Variants in COL11A1 observed in about 807,000 individuals in gnomAD.
COL11A1 encodes collagen alpha-1(XI) chain.
Under a neutral mutation model 265.2 loss-of-function variants are expected in COL11A1, and 74 were observed. That is an observed-to-expected ratio of 0.28 (90% CI 0.23 to 0.34). COL11A1 has a LOEUF of 0.34. COL11A1 is among the 10% of genes least tolerant of loss of function. The pLI, the probability that COL11A1 is intolerant of heterozygous loss-of-function variation, is 1.00. For missense variants in COL11A1, 2,165 were observed against 2,263.6 expected, an observed-to-expected ratio of 0.96 and a Z score of 0.88; for synonymous variants, 816 against 727.6, an observed-to-expected ratio of 1.12 and a Z score of -1.96.
rs1212773301 is a variant in COL11A1 at position 103,014,579 on chromosome 1, C to A, written c.1504G>T (p.Asp502Tyr). Residue 502 changes from aspartate to tyrosine, a missense_variant, in exon 13 of 67, where the codon GAT (aspartate) becomes TAT (tyrosine). Asp to Tyr is a radical substitution (Grantham distance 160, BLOSUM62 -3). Transcript: ENST00000370096. ...GAGATGGTTGGTCCTTTGGAACCATCACCACCATAACGGAACTTGGAAGAG... is the reference window on the plus strand; with the variant it reads ...GAGATGGTTGGTCCTTTGGAACCATAACCACCATAACGGAACTTGGAAGAG... The part of the protein sequence containing the change: ...MLMLPFRYGG[D>Y]GSKGPTISAQ... 35 of 1,613,482 alleles carry A rather than the reference C, an allele frequency of 2.2e-5. No individual in the cohort carries two copies. In the Admixed American group the frequency reaches 5.8e-4, roughly 27 times the overall value.
intron 57 of COL11A1, 112 bp from the exon 58 acceptor site, chr1:102,890,616 T>G: frequency 2.8e-6 from 2 of 717,476 alleles, no homozygotes; most frequent in Non-Finnish European, 4.6e-6. Context: ...GAGTTGAAAA[T>G]AGTAATGATT....
At chr1:103,071,467 C>CTTTTTTT (rs869263393) in intron 4 of COL11A1, among the ~76,000 whole-genome samples, 1 of 49,892 alleles carries the variant, frequency 2.0e-5, no homozygotes, top group African/African-American at 7.9e-5. Flanking sequence ...GTTGGTAGGA[C>CTTTTTTT]TTTTTTTTTT....
At chr1:102,894,336 G>T (rs1376946045) in intron 57 of COL11A1, among the ~76,000 whole-genome samples, 2 of 152,020 alleles carry the variant, frequency 1.3e-5, no homozygotes, top group Non-Finnish European at 2.9e-5. Context: ...GAGTCCAAGA[G>T]CAGCCTGGGC....
At chr1:103,038,327 T>G (rs1435447267) in intron 4 of COL11A1, among the ~76,000 whole-genome samples, 1 of 151,990 alleles carries the variant, frequency 6.6e-6, no homozygotes, top group Non-Finnish European at 1.5e-5. Flanking sequence ...TAGCTGGGCA[T>G]GGTGGCGCAT....
At chr1:102,901,172 T>A (rs1378144036) in intron 54 of COL11A1, among the ~76,000 whole-genome samples, 1 of 151,812 alleles carries the variant, frequency 6.6e-6, no homozygotes, top group Admixed American at 6.6e-5. Context: ...TACAAAAAAT[T>A]AGCTGGGCGT....
intron 57 of COL11A1, 111 bp downstream of exon 57, chr1:102,898,013 AT>A: frequency 1.9e-6 from 1 of 527,754 alleles, no homozygotes; most frequent in East Asian, 4.3e-5. Context: ...TTCTTGGACT[AT>A]TAGAAAAAAT....
intron 57 of COL11A1, among the ~76,000 whole-genome samples, chr1:102,894,441 G>A (rs895604781): frequency 2.6e-5 from 4 of 152,100 alleles, no homozygotes; most frequent in African/African-American, 9.7e-5. Flanking sequence ...GGCTGAGGCG[G>A]GAGGATCACC....
chr1:102,896,801 A>T (rs1244326749), intron 57 of COL11A1, among the ~76,000 whole-genome samples: 2 of 152,142 alleles, frequency 1.3e-5, no homozygotes, highest in Non-Finnish European at 2.9e-5. Context: ...AAAGGTCAAA[A>T]TATTTACCGG....
At chr1:103,077,274 C>A (rs773841541) in intron 3 of COL11A1, among the ~76,000 whole-genome samples, 3 of 150,842 alleles carry the variant, frequency 2.0e-5, no homozygotes, top group African/African-American at 7.3e-5. Context: ...GTAAACACTA[C>A]CTGCTAGTTT....
chr1:102,920,544 C>G lies in COL11A1; in HGVS notation c.3709-180G>C, dbSNP rs41292529. ...CAAATGTGTTGGAAAGCAAATAATT[C>G]AATATATTACACTGATTTTCAAATT... On this transcript the variant is annotated intron_variant, in intron 48 of 66. Transcript: ENST00000370096. Among the ~76,000 whole-genome samples the G allele has an allele frequency of 0.032, 4,928 of 152,120 alleles. 110 individuals are homozygous for G. The highest frequency in any genetic ancestry group is 0.085 in the Middle Eastern group (25 of 294).
chr1:103,066,133 G>C (rs1297625084), intron 4 of COL11A1, among the ~76,000 whole-genome samples: 2 of 152,030 alleles, frequency 1.3e-5, no homozygotes, highest in African/African-American at 4.8e-5. Context: ...TGTTGTATAA[G>C]AAATGTTAAA....
chr1:103,025,686 T>A, intron 6 of COL11A1, 73 bp from the exon 7 acceptor site: 6 of 1,563,868 alleles, frequency 3.8e-6, no homozygotes, highest in Non-Finnish European at 5.3e-6. Flanking sequence ...ATGATTTAAT[T>A]GGGTTATAGT....
intron 1 of COL11A1, among the ~76,000 whole-genome samples, chr1:103,086,529 G>T (rs1211976335): frequency 6.6e-6 from 1 of 152,100 alleles, no homozygotes; most frequent in African/African-American, 2.4e-5. Flanking sequence ...CCACTCTCCT[G>T]CCTCAGCCTC....
At chr1:103,062,121 T>C (rs554523495) in intron 4 of COL11A1, among the ~76,000 whole-genome samples, 1 of 152,022 alleles carries the variant, frequency 6.6e-6, no homozygotes, top group South Asian at 2.1e-4. Context: ...ATCCAATCTG[T>C]AAAAACTCAT....
intron 47 of COL11A1, among the ~76,000 whole-genome samples, chr1:102,922,227 G>T (rs772932178): frequency 4.6e-5 from 7 of 152,076 alleles, no homozygotes; most frequent in Non-Finnish European, 7.4e-5. Context: ...ATTTTTAAAA[G>T]ATCTCAGTTT....
chr1:103,001,469 C>T (rs1665103403), intron 24 of COL11A1: 1 of 415,346 alleles, frequency 2.4e-6, no homozygotes, highest in Admixed American at 3.9e-5. Flanking sequence ...TTGTTTTGAT[C>T]CAGACATTGA....
chr1:102,916,064 C>G (rs1205403874), intron 49 of COL11A1, among the ~76,000 whole-genome samples: 1 of 152,034 alleles, frequency 6.6e-6, no homozygotes, highest in African/African-American at 2.4e-5. Flanking sequence ...TTGTTGTTTG[C>G]TAAAATGTAA....
chr1:103,092,092 T>A (rs1252959446), intron 1 of COL11A1, among the ~76,000 whole-genome samples: 1 of 152,062 alleles, frequency 6.6e-6, no homozygotes, highest in African/African-American at 2.4e-5. Context: ...TGAAGTGTAA[T>A]TAATGAAAAA....
intron 37 of COL11A1, among the ~76,000 whole-genome samples, chr1:102,965,908 A>T (rs1661359486): frequency 6.6e-6 from 1 of 152,212 alleles, no homozygotes; most frequent in Non-Finnish European, 1.5e-5. Flanking sequence ...CTGATTGTTT[A>T]TACAAAGGTA....
Sources: allele counts gnomAD v4.1 joint callset (sites outside exome capture counted in the v4.1 genomes callset), GRCh38; gene constraint gnomAD v4.1.1; transcripts MANE v1.5; gene names NCBI Gene and HGNC (gene_info 2026-07-23, HGNC 2026-07-21).